PRKD1: variants seen among roughly 807,000 people sequenced by gnomAD.
The protein encoded by PRKD1 is serine/threonine-protein kinase D1.
Under a neutral mutation model 95.9 loss-of-function variants are expected in PRKD1, and 63 were observed. The observed-to-expected ratio is 0.66, with a 90% CI of 0.54 to 0.81. The LOEUF is 0.81. Among genes scored for constraint, PRKD1 ranks in the 30% least tolerant of loss-of-function variants. PRKD1 has a pLI of 0.00. For synonymous variants in PRKD1, 425 were observed against 423.1 expected, an observed-to-expected ratio of 1.00 and a Z score of -0.05; for missense variants, 1,048 against 1,165.3, an observed-to-expected ratio of 0.90 and a Z score of 1.47.
intron 16 of PRKD1, among the ~76,000 whole-genome samples, chr14:29,579,447 C>A (rs1385262412): frequency 6.6e-6 from 1 of 152,114 alleles, no homozygotes. Context: ...TACCAAAAAT[C>A]TTAATCAAAC....
chr14:29,787,604 T>G (rs1186349022), intron 1 of PRKD1, among the ~76,000 whole-genome samples: 1 of 152,124 alleles, frequency 6.6e-6, no homozygotes, highest in Admixed American at 6.5e-5. Context: ...TCTTTTTATA[T>G]ATTTTTAACT....
chr14:29,650,704 A>C (rs891017749), intron 4 of PRKD1, among the ~76,000 whole-genome samples: 3 of 152,236 alleles, frequency 2.0e-5, no homozygotes, highest in Non-Finnish European at 4.4e-5. Flanking sequence ...TCAGGCTTAC[A>C]GAAGCAAGAA....
At chr14:29,796,310 G>A (rs180972550) in intron 1 of PRKD1, among the ~76,000 whole-genome samples, 6 of 152,132 alleles carry the variant, frequency 3.9e-5, no homozygotes, top group East Asian at 3.9e-4. Flanking sequence ...AAATTGGTAC[G>A]AATGTTTAAT....
At chr14:29,703,011 T>C (rs1054560863) in intron 2 of PRKD1, among the ~76,000 whole-genome samples, 2 of 152,172 alleles carry the variant, frequency 1.3e-5, no homozygotes, top group Non-Finnish European at 2.9e-5. Flanking sequence ...TTGAGGAACA[T>C]AGCCTGGGAG....
Position 29,636,438 on chromosome 14 carries a change from T to C in PRKD1, c.1042A>G (p.Asn348Asp), listed in dbSNP as rs759493223. The stretch of plus-strand genomic sequence containing the variant: ...AGCCCACTGTTCCTTTCACTATCAT[T>C]GTCATCACTCCCTTCTTCCATGACC... ...DVVMEEGSDD[N>D]DSERNSGLMD... The change falls in exon 7 of 18, where the codon AAT becomes GAT. Residue 348 changes from asparagine to aspartate, a missense_variant. Asn to Asp is a conservative substitution (Grantham distance 23, BLOSUM62 1). Transcript: ENST00000331968. The C allele has an allele frequency of 3.1e-6, 5 of 1,614,026 alleles. No homozygotes were observed.
intron 2 of PRKD1, among the ~76,000 whole-genome samples, chr14:29,715,425 T>C (rs1031903043): frequency 5.3e-5 from 8 of 152,126 alleles, no homozygotes; most frequent in African/African-American, 1.4e-4. Flanking sequence ...CATTTTAATT[T>C]ATTTTAATTA....
intron 1 of PRKD1, among the ~76,000 whole-genome samples, chr14:29,856,351 A>G (rs372966974): frequency 2.4e-4 from 36 of 152,314 alleles, no homozygotes; most frequent in African/African-American, 8.2e-4. Flanking sequence ...AATGCAGCCA[A>G]TTGTTGAAAT....
chr14:29,630,972 G>C lies in PRKD1; in HGVS notation c.1442C>G (p.Ala481Gly). 1 of 1,613,786 alleles carries C rather than the reference G, an allele frequency of 6.2e-7. No homozygotes were observed. The highest frequency in any genetic ancestry group is 8.5e-7 in the Non-Finnish European group (1 of 1,179,760). The change falls in exon 10 of 18, where the codon GCT becomes GGT. Residue 481 changes from alanine to glycine, a missense_variant. Transcript: ENST00000331968. ...ILSLEPVKTS[A>G]LIPNGANPHC... ...AGGATTGGCCCCATTAGGAATTAAAGCTGAAGTTTTTACTGGTTCCAGAGA... is the reference window on the plus strand; with the variant it reads ...AGGATTGGCCCCATTAGGAATTAAACCTGAAGTTTTTACTGGTTCCAGAGA...
intron 16 of PRKD1, among the ~76,000 whole-genome samples, chr14:29,582,607 C>T (rs1191890056): frequency 6.6e-6 from 1 of 152,046 alleles, no homozygotes; most frequent in African/African-American, 2.4e-5. Context: ...TGCCAGCTCC[C>T]AGCAGAGACT....
chr14:29,671,664 G>C (rs1009465116), intron 2 of PRKD1, among the ~76,000 whole-genome samples: 2 of 152,022 alleles, frequency 1.3e-5, no homozygotes, highest in East Asian at 1.9e-4. Context: ...GGATGAGAAA[G>C]GGGCTTTAAA....
intron 13 of PRKD1, among the ~76,000 whole-genome samples, chr14:29,601,548 C>G (rs976398004): frequency 4.3e-5 from 4 of 93,956 alleles, no homozygotes; most frequent in African/African-American, 1.5e-4. Flanking sequence ...TAGACCTCAC[C>G]TCCCACGTTG....
Position 29,624,242 on chromosome 14 carries a change from T to C in PRKD1, c.1815A>G (p.Thr605=). 6.3e-7 allele frequency: 1 copy of C among 1,598,128 alleles called. No individual in the cohort carries two copies. Among genetic ancestry groups the C allele is most frequent in the Non-Finnish European group, 8.5e-7 (1 of 1,172,008 alleles). Residue 605 remains threonine, a synonymous_variant, in exon 13 of 18, where the codon ACA becomes ACG. Transcript: ENST00000331968. ...GIVYGGKHRK[T]GRDVAIKIID... ...TGATTTTAATAGCTACATCTCTTCC[T>C]GTTTTACGATGTTTTCCTTTAAAAT...
chr14:29,920,015 GGGAAGGAAGGAAGGAAGGAAGGAAGGAA>G (rs398043721), intron 1 of PRKD1, among the ~76,000 whole-genome samples: 1 of 104,392 alleles, frequency 9.6e-6, no homozygotes, highest in Non-Finnish European at 1.8e-5. Context: ...GAAGGAAGGA[GGGAAGGAAGGAAGGAAGGAAGGAAGGAA>G]GGAAGGAAGG....
chr14:29,836,658 T>A (rs573093315), intron 1 of PRKD1, among the ~76,000 whole-genome samples: 1 of 152,118 alleles, frequency 6.6e-6, no homozygotes, highest in African/African-American at 2.4e-5. Flanking sequence ...TGCCAACACC[T>A]CCTCCTCATG....
intron 1 of PRKD1, among the ~76,000 whole-genome samples, chr14:29,739,227 C>T (rs1422551605): frequency 2.6e-5 from 4 of 152,182 alleles, no homozygotes; most frequent in Admixed American, 2.0e-4. Context: ...AAAGTCACTC[C>T]GGTTAGTCTT....
chr14:29,828,045 T>C (rs1341884301), intron 1 of PRKD1, among the ~76,000 whole-genome samples: 3 of 152,188 alleles, frequency 2.0e-5, no homozygotes, highest in South Asian at 4.1e-4. Flanking sequence ...CTCCTCTCTA[T>C]GTCTTCCTCT....
Position 29,914,078 on chromosome 14 carries a change from C to T in PRKD1, c.264+13171G>A, listed in dbSNP as rs1401487548. Among the ~76,000 whole-genome samples the T allele has an allele frequency of 5.9e-5, 9 of 152,288 alleles. No homozygotes were observed. The South Asian group carries it at 6.2e-4, about 11-fold the overall frequency. On this transcript the variant is annotated intron_variant, in intron 1 of 17. Coordinates refer to ENST00000331968, the MANE Select transcript of PRKD1 (RefSeq NM_002742.3). The stretch of plus-strand genomic sequence containing the variant: ...TGCAGTACTCATTCAGGGCAGGAAC[C>T]GTTAGAATCGAACTGAATTGTGAAT...
chr14:29,800,448 T>A (rs1268556205), intron 1 of PRKD1, among the ~76,000 whole-genome samples: 1 of 152,218 alleles, frequency 6.6e-6, no homozygotes, highest in Non-Finnish European at 1.5e-5. Context: ...AACTCTGATT[T>A]GCAATTGACA....
At chr14:29,670,106 A>G (rs1222324549) in intron 2 of PRKD1, among the ~76,000 whole-genome samples, 3 of 152,226 alleles carry the variant, frequency 2.0e-5, no homozygotes, top group African/African-American at 7.2e-5. Context: ...AGGCATTTTT[A>G]TGCATTTAAA....
Sources: gnomAD v4.1 joint callset for allele counts (sites outside exome capture counted in the v4.1 genomes callset) on GRCh38, gnomAD v4.1.1 for gene constraint, MANE v1.5 for transcripts, NCBI Gene and HGNC (gene_info 2026-07-23, HGNC 2026-07-21) for gene names.